Variants in CCNY observed in about 807,000 individuals in gnomAD.
CCNY encodes the protein cyclin-Y.
In CCNY, 19 loss-of-function variants were observed where a neutral mutation model predicts 42.8. That is an observed-to-expected ratio of 0.44 (90% CI 0.31 to 0.65). The LOEUF is 0.65. Ranked by LOEUF, CCNY falls within the 30% of genes least tolerant of loss-of-function variation. The probability of loss-of-function intolerance (pLI) is 0.07; values close to 1 mark genes in which losing one functional copy is unlikely to be tolerated. For missense variants in CCNY, 370 were observed against 437.3 expected, an observed-to-expected ratio of 0.85 and a Z score of 1.37; for synonymous variants, 165 against 162.7, an observed-to-expected ratio of 1.01 and a Z score of -0.11.
intron 1 of CCNY, among the ~76,000 whole-genome samples, chr10:35,372,831 C>T (rs1394793295): frequency 6.6e-6 from 1 of 152,202 alleles, no homozygotes; most frequent in Non-Finnish European, 1.5e-5. Flanking sequence ...TCCCGAGCAG[C>T]TGGCGTTACA....
chr10:35,351,703 TAC>T (rs2135138510), intron 1 of CCNY, among the ~76,000 whole-genome samples: 1 of 152,342 alleles, frequency 6.6e-6, no homozygotes, highest in Admixed American at 6.5e-5. Flanking sequence ...AAGTATATAA[TAC>T]CATTGGAACA....
At chr10:35,440,648 G>A (rs1838646458) in intron 1 of CCNY, among the ~76,000 whole-genome samples, 1 of 152,214 alleles carries the variant, frequency 6.6e-6, no homozygotes, top group African/African-American at 2.4e-5. Context: ...CAGCTTTGTG[G>A]TGGTGATCAC....
intron 1 of CCNY, among the ~76,000 whole-genome samples, chr10:35,480,434 C>A (rs752189493): frequency 6.6e-6 from 1 of 152,054 alleles, no homozygotes; most frequent in Non-Finnish European, 1.5e-5. Flanking sequence ...TGGTGGAGGG[C>A]GAGGGTGCCA....
In CCNY at chr10:35,473,781, T is replaced by TG. The variant is rs563150433; in HGVS notation, c.155-9617dup. Among the ~76,000 whole-genome samples the TG allele has an allele frequency of 1.4e-4, 21 of 152,230 alleles. No homozygotes were observed. The South Asian group carries it at 3.5e-3, about 26-fold the overall frequency. ...AAAAACATCATAAAAATGTGTTCCT[T>TG]GGGGGGAGGAGCCAAGATGGCCGAA... On this transcript the variant is annotated intron_variant, in intron 1 of 9. Transcript: ENST00000374704.
chr10:35,512,828 G>A (rs190047142), intron 3 of CCNY, among the ~76,000 whole-genome samples: 1 of 152,166 alleles, frequency 6.6e-6, no homozygotes, highest in Non-Finnish European at 1.5e-5. Flanking sequence ...AGGAGGTGTC[G>A]CGGGTGGGAG....
chr10:35,417,294 G>C (rs534870748), intron 1 of CCNY, among the ~76,000 whole-genome samples: 23 of 152,340 alleles, frequency 1.5e-4, no homozygotes, highest in South Asian at 1.0e-3. Flanking sequence ...GGGAGTAAGA[G>C]GACAAGCCGA....
At chr10:35,548,292 G>GTATATATATGTGTA (rs1008657264) in intron 7 of CCNY, among the ~76,000 whole-genome samples, 1 of 143,828 alleles carries the variant, frequency 7.0e-6, no homozygotes, top group Non-Finnish European at 1.5e-5. Context: ...ATATATTTAT[G>GTATATATATGTGTA]TATATATATA....
intron 7 of CCNY, among the ~76,000 whole-genome samples, chr10:35,547,994 C>G (rs1385051428): frequency 1.3e-5 from 2 of 152,016 alleles, no homozygotes; most frequent in African/African-American, 4.8e-5. Flanking sequence ...AGCTTATTGG[C>G]TATTTGCCTT....
intron 1 of CCNY, among the ~76,000 whole-genome samples, chr10:35,430,507 A>T (rs1838367456): frequency 6.6e-6 from 1 of 152,164 alleles, no homozygotes; most frequent in Non-Finnish European, 1.5e-5. Flanking sequence ...AAATCAGGTT[A>T]TCAAATGGAT....
At chr10:35,404,599 G>A (rs776514279) in intron 1 of CCNY, among the ~76,000 whole-genome samples, 1 of 152,098 alleles carries the variant, frequency 6.6e-6, no homozygotes, top group South Asian at 2.1e-4. Flanking sequence ...AGAAGGGGAC[G>A]GATTTACCTT....
intron 1 of CCNY, among the ~76,000 whole-genome samples, chr10:35,348,677 G>A (rs1836360922): frequency 6.6e-6 from 1 of 152,224 alleles, no homozygotes; most frequent in Admixed American, 6.5e-5. Context: ...AGGGCCCTGA[G>A]AGGTCAGCAG....
intron 1 of CCNY, among the ~76,000 whole-genome samples, chr10:35,465,299 G>C (rs1391969136): frequency 1.3e-5 from 2 of 151,924 alleles, no homozygotes; most frequent in Admixed American, 1.3e-4. Context: ...CTGCCTTTGT[G>C]CTGGGGTCCG....
chr10:35,289,222 T>C (rs1055553488), intron 3 of CCNY, among the ~76,000 whole-genome samples: 5 of 152,150 alleles, frequency 3.3e-5, no homozygotes, highest in African/African-American at 1.2e-4. Context: ...AAAATACAGT[T>C]GGTTTTTGTA....
chr10:35,271,504 G>A (rs1835169189), intron 3 of CCNY, among the ~76,000 whole-genome samples: 1 of 152,140 alleles, frequency 6.6e-6, no homozygotes, highest in Non-Finnish European at 1.5e-5. Flanking sequence ...AAATACCCGA[G>A]CATTCTGTTC....
intron 1 of CCNY, among the ~76,000 whole-genome samples, chr10:35,426,719 T>G (rs1244219364): frequency 6.6e-6 from 1 of 152,220 alleles, no homozygotes; most frequent in African/African-American, 2.4e-5. Flanking sequence ...CTGAGACCCT[T>G]TGTCCAAAAC....
chr10:35,371,845 A>T (rs1836944276), intron 1 of CCNY, among the ~76,000 whole-genome samples: 2 of 152,232 alleles, frequency 1.3e-5, no homozygotes, highest in Non-Finnish European at 2.9e-5. Context: ...GATGAAGAGG[A>T]TGATCAGCAA....
intron 1 of CCNY, among the ~76,000 whole-genome samples, chr10:35,461,818 G>C (rs555773865): frequency 2.5e-4 from 38 of 152,252 alleles, no homozygotes; most frequent in African/African-American, 8.2e-4. Context: ...GGAAATGTCT[G>C]ATTTGTTATT....
At chr10:35,563,380 C>G (rs1173963643) in intron 8 of CCNY, among the ~76,000 whole-genome samples, 2 of 152,172 alleles carry the variant, frequency 1.3e-5, no homozygotes, top group Non-Finnish European at 2.9e-5. Flanking sequence ...CATCTGGAAC[C>G]ATGGTGTCTG....
chr10:35,553,399 C>T (rs1207712924), intron 8 of CCNY, among the ~76,000 whole-genome samples: 1 of 152,106 alleles, frequency 6.6e-6, no homozygotes, highest in Admixed American at 6.5e-5. Context: ...GTACTGGTAA[C>T]ACCTCCTGGT....
Sources: allele counts gnomAD v4.1 joint callset (sites outside exome capture counted in the v4.1 genomes callset), GRCh38; gene constraint gnomAD v4.1.1; transcripts MANE v1.5; gene names NCBI Gene and HGNC (gene_info 2026-07-23, HGNC 2026-07-21).